The following BRSK2 variants were observed in gnomAD, a reference collection of about 807,000 sequenced individuals.
The protein encoded by BRSK2 is serine/threonine-protein kinase BRSK2.
Under a neutral mutation model 83.3 loss-of-function variants are expected in BRSK2, and 19 were observed. The ratio of observed to expected loss-of-function variants is 0.23; its 90% CI spans 0.16 to 0.33. The LOEUF (loss-of-function observed/expected upper bound fraction) is 0.33. BRSK2 is among the 10% of genes least tolerant of loss of function. The pLI is 1.00. For synonymous variants in BRSK2, 519 were observed against 435.4 expected (o/e 1.19, Z -2.39); for missense variants, 798 against 1,042.3 (o/e 0.77, Z 3.23).
intron 1 of BRSK2, among the ~76,000 whole-genome samples, chr11:1,413,802 G>T (rs1315764984): frequency 6.6e-6 from 1 of 152,230 alleles, no homozygotes; most frequent in Non-Finnish European, 1.5e-5. Flanking sequence ...ATCTCTGGGG[G>T]CATCAGTGGC....
At chr11:1,449,120 G>A (rs1845485082) in intron 12 of BRSK2, among the ~76,000 whole-genome samples, 2 of 152,234 alleles carry the variant, frequency 1.3e-5, no homozygotes, top group African/African-American at 4.8e-5. Flanking sequence ...CCTGCACGGG[G>A]GTGGCGGCCA....
intron 8 of BRSK2, among the ~76,000 whole-genome samples, chr11:1,444,611 A>G (rs1374324509): frequency 6.6e-6 from 1 of 152,000 alleles, no homozygotes; most frequent in Non-Finnish European, 1.5e-5. Context: ...CAGCCCAGGC[A>G]GCACAGGCAC....
chr11:1,453,425 T>G (rs1178678543), intron 15 of BRSK2, among the ~76,000 whole-genome samples: 1 of 152,236 alleles, frequency 6.6e-6, no homozygotes, highest in Non-Finnish European at 1.5e-5. Context: ...CACCTGTGCT[T>G]CCAGAACTGC....
At chr11:1,443,196 C>T in intron 6 of BRSK2, 57 bp downstream of exon 6, 1 of 1,526,236 alleles carries the variant, frequency 6.6e-7, no homozygotes, top group Non-Finnish European at 8.8e-7. Flanking sequence ...GGGACCTGAC[C>T]CTGGTGGGAC....
intron 16 of BRSK2, among the ~76,000 whole-genome samples, chr11:1,455,839 C>T (rs1185160232): frequency 6.6e-6 from 1 of 152,088 alleles, no homozygotes. Flanking sequence ...GCAGCTGCCC[C>T]CTCGGTACTG....
intron 1 of BRSK2, among the ~76,000 whole-genome samples, chr11:1,400,848 C>T (rs996281798): frequency 6.6e-6 from 1 of 152,356 alleles, no homozygotes; most frequent in Admixed American, 6.5e-5. Flanking sequence ...TCCTGTCTAG[C>T]CATGGCCCTC....
At chr11:1,439,811 T>C (rs1163504017) in intron 3 of BRSK2, among the ~76,000 whole-genome samples, 2 of 147,382 alleles carry the variant, frequency 1.4e-5, no homozygotes, top group African/African-American at 2.6e-5. Context: ...CCCTGGGGGC[T>C]TCACACCCTC....
chr11:1,410,570 C>A (rs1030675911), intron 1 of BRSK2: 1 of 985,382 alleles, frequency 1.0e-6, no homozygotes, highest in African/African-American at 1.7e-5. Flanking sequence ...TGTCGTCAGG[C>A]TCTCTGGTCC....
intron 1 of BRSK2, among the ~76,000 whole-genome samples, chr11:1,422,809 C>G (rs1431347762): frequency 6.6e-6 from 1 of 152,182 alleles, no homozygotes; most frequent in African/African-American, 2.4e-5. Context: ...CATGTCCACT[C>G]CCCAAGCCAG....
intron 1 of BRSK2, among the ~76,000 whole-genome samples, chr11:1,402,174 G>A (rs577145612): frequency 6.6e-6 from 1 of 152,328 alleles, no homozygotes; most frequent in African/African-American, 2.4e-5. Context: ...GGAAGGCTGG[G>A]GGGCCTGACC....
intron 1 of BRSK2, among the ~76,000 whole-genome samples, chr11:1,391,185 T>A (rs1845707389): frequency 6.6e-6 from 1 of 152,252 alleles, no homozygotes; most frequent in East Asian, 1.9e-4. Flanking sequence ...TGGGTTTGGC[T>A]AGCCCTTCAT....
chr11:1,428,970 G>A (rs754876478), intron 1 of BRSK2, among the ~76,000 whole-genome samples: 2 of 150,826 alleles, frequency 1.3e-5, no homozygotes, highest in Non-Finnish European at 3.0e-5. Flanking sequence ...TGCCCTTGGC[G>A]TGTGGGCGTG....
chr11:1,439,178 G>A (rs1850793132), intron 3 of BRSK2, among the ~76,000 whole-genome samples: 1 of 152,170 alleles, frequency 6.6e-6, no homozygotes, highest in Non-Finnish European at 1.5e-5. Flanking sequence ...TACAGGGCTG[G>A]GCTGGGGGCT....
intron 8 of BRSK2, 87 bp downstream of exon 8, chr11:1,443,722 C>T: frequency 7.1e-7 from 1 of 1,402,288 alleles, no homozygotes; most frequent in Non-Finnish European, 9.4e-7. Context: ...AGGTGTGTGC[C>T]CAGACGTGTG....
At position 1,390,357 on chromosome 11, in the gene BRSK2, C is replaced by T. The variant is rs1344148418; in HGVS notation, c.73C>T (p.Leu25=). Residue 25 remains leucine, a synonymous_variant, in exon 1 of 20, where the codon CTG becomes TTG. Transcript: ENST00000528841. This position sits in a 1 kb window ranked among gnomAD's most constrained non-coding sequence, Gnocchi z 6.8. ...TGGGCCCTACCGGCTGGAGAAGACG[C>T]TGGGCAAGGGGCAGACAGGTGCGTG... ...YVGPYRLEKT[L]GKGQTGLVKL... The T allele has an allele frequency of 5.8e-6, 6 of 1,033,376 alleles. No homozygotes were observed. Among genetic ancestry groups the T allele is most frequent in the African/African-American group, 1.7e-5 (1 of 57,710 alleles). 64.0% of individuals were successfully genotyped at this position (1,033,376 alleles called of 1,614,324 possible). A position where few individuals can be genotyped will look rare whatever the true frequency, so the allele number is the denominator to read the frequency against.
At chr11:1,402,268 C>G (rs1157012167) in intron 1 of BRSK2, among the ~76,000 whole-genome samples, 1 of 152,198 alleles carries the variant, frequency 6.6e-6, no homozygotes, top group African/African-American at 2.4e-5. Context: ...GATCCATGTC[C>G]CCTGGAGCGC....
Position 1,410,797 on chromosome 11 carries a change from C to T in BRSK2, c.91+20422C>T, listed in dbSNP as rs924806027. The T allele has an allele frequency of 5.7e-5, 56 of 985,436 alleles. No homozygotes were observed. The African/African-American group carries it at 8.5e-4, about 15-fold the overall frequency. The allele number at this position is 985,436 out of a possible 1,614,324, so 61.0% of individuals were successfully genotyped here. On this transcript the variant is annotated intron_variant, in intron 1 of 19. Transcript: ENST00000528841. ...TGGTTGAGAAGGCCACAGGTGGCCC[C>T]CCCGCCACCCGGCAGGCACAGCAGG...
intron 2 of BRSK2, among the ~76,000 whole-genome samples, 191 bp downstream of exon 2, chr11:1,436,325 G>A (rs1368586099): frequency 1.3e-5 from 2 of 152,098 alleles, no homozygotes; most frequent in Non-Finnish European, 1.5e-5. Context: ...CCTCCCTCCA[G>A]CCCTGCCCAC....
chr11:1,461,040 A>G lies in BRSK2; in HGVS notation c.*317A>G, dbSNP rs942637559. 6.2e-6 allele frequency: 10 copies of G among 1,608,766 alleles called. No homozygotes were observed. The highest frequency in any genetic ancestry group is 8.5e-6 in the Non-Finnish European group (10 of 1,177,940). ...CTGTGACCGAAGGCAGCTGCTGCGG[A>G]CCCGCCCTCCCTCCGCTCCTGCTGT... On this transcript the variant is annotated 3_prime_UTR_variant, in exon 20 of 20. Coordinates refer to ENST00000528841, the MANE Select transcript of BRSK2 (RefSeq NM_001256627.2).
Sources: allele counts gnomAD v4.1 joint callset (sites outside exome capture counted in the v4.1 genomes callset), GRCh38; gene constraint gnomAD v4.1.1; non-coding constraint Gnocchi (gnomAD v3.1); transcripts MANE v1.5; gene names NCBI Gene and HGNC (gene_info 2026-07-23, HGNC 2026-07-21).